Variants in MACF1 observed in about 807,000 individuals in gnomAD.
MACF1 encodes the protein microtubule-actin cross-linking factor 1.
A neutral mutation model predicts 854.8 loss-of-function variants in MACF1; 193 were observed. The ratio of observed to expected loss-of-function variants is 0.23; its 90% CI spans 0.20 to 0.25. MACF1 has a LOEUF of 0.25. Among genes scored for constraint, MACF1 ranks in the 10% least tolerant of loss-of-function variants. The probability of loss-of-function intolerance (pLI) is 1.00; values close to 1 mark genes in which losing one functional copy is unlikely to be tolerated. For synonymous variants in MACF1, 3,185 were observed against 3,226.7 expected (o/e 0.99, Z 0.44); for missense variants, 7,722 against 8,929.1 (o/e 0.86, Z 5.45).
intron 97 of MACF1, among the ~76,000 whole-genome samples, chr1:39,473,386 T>C (rs534500054): frequency 2.0e-5 from 3 of 152,364 alleles, no homozygotes; most frequent in South Asian, 2.1e-4. Flanking sequence ...ATCTTCCTTC[T>C]TGTAGTATCT....
intron 58 of MACF1, chr1:39,410,663 G>A (rs1367066785): frequency 6.2e-7 from 1 of 1,613,854 alleles, no homozygotes; most frequent in East Asian, 2.2e-5. Context: ...AGGAGATCGT[G>A]GAAGTCCTTC....
chr1:39,229,803 C>G (rs1644758428), intron 1 of MACF1, among the ~76,000 whole-genome samples: 1 of 152,108 alleles, frequency 6.6e-6, no homozygotes. Context: ...GTGGTGTAAT[C>G]ACGGCTCACT....
At chr1:39,112,448 C>A (rs1408010557) in intron 2 of MACF1, among the ~76,000 whole-genome samples, 2 of 151,956 alleles carry the variant, frequency 1.3e-5, no homozygotes, top group African/African-American at 4.8e-5. Flanking sequence ...TTTGGGAGGC[C>A]AAGGCGGGCA....
chr1:39,382,338 A>G (rs1005052984), intron 56 of MACF1, among the ~76,000 whole-genome samples, 186 bp downstream of exon 56: 1 of 152,134 alleles, frequency 6.6e-6, no homozygotes, highest in African/African-American at 2.4e-5. Context: ...AAACTCTATT[A>G]TTATTATTAA....
At chr1:39,422,668 C>A in intron 59 of MACF1, 62 bp from the exon 60 acceptor site, 1 of 1,556,166 alleles carries the variant, frequency 6.4e-7, no homozygotes, top group South Asian at 1.1e-5. Context: ...TAAAAGAGGT[C>A]AGTAGTAATT....
chr1:39,400,803 A>G (rs1422982705), intron 58 of MACF1, among the ~76,000 whole-genome samples: 1 of 152,140 alleles, frequency 6.6e-6, no homozygotes, highest in Non-Finnish European at 1.5e-5. Context: ...CCATTGTATC[A>G]AGCCTGTGAA....
intron 2 of MACF1, among the ~76,000 whole-genome samples, chr1:39,101,945 T>G (rs888869452): frequency 3.3e-5 from 5 of 149,388 alleles, no homozygotes; most frequent in African/African-American, 1.2e-4. Context: ...GGAAGGCCGA[T>G]GCGGGCGGAT....
intron 58 of MACF1, among the ~76,000 whole-genome samples, chr1:39,422,040 A>G (rs1643559134): frequency 6.6e-6 from 1 of 152,090 alleles, no homozygotes; most frequent in South Asian, 2.1e-4. Context: ...ACGCCACTGC[A>G]CTCCAGCCTG....
chr1:39,479,657 T>C, intron 97 of MACF1, 141 bp from the exon 98 acceptor site: 1 of 674,936 alleles, frequency 1.5e-6, no homozygotes, highest in Admixed American at 2.5e-5. Flanking sequence ...TGAATTTATC[T>C]CTATTTTTGA....
At chr1:39,272,935 TC>T (rs1351507832) in intron 6 of MACF1, among the ~76,000 whole-genome samples, 1 of 152,010 alleles carries the variant, frequency 6.6e-6, no homozygotes, top group East Asian at 1.9e-4. Flanking sequence ...ACAAAGGCCT[TC>T]TTCTCTGGCC....
intron 48 of MACF1, 49 bp from the exon 49 acceptor site, chr1:39,361,311 G>T (rs1648172584): frequency 1.3e-6 from 2 of 1,557,306 alleles, no homozygotes; most frequent in Non-Finnish European, 1.8e-6. Context: ...TGGCTCAGAT[G>T]TCCTGGAATA....
At chr1:39,268,326 C>G in intron 6 of MACF1, 2 of 411,272 alleles carry the variant, frequency 4.9e-6, no homozygotes, top group Non-Finnish European at 6.6e-6. Flanking sequence ...TTCCCCTCCC[C>G]TGGTTTCTAG....
At position 39,437,829 on chromosome 1, in the gene MACF1, G is replaced by A. The variant is rs1292252880; in HGVS notation, c.18041G>A (p.Arg6014His). ...GAGACACTGGAGAATCTTTCCTCTC[G>A]CCTGCGTATGCCACCACTGATCCCT... ...MLETLENLSS[R>H]LRMPPLIPAE... The change falls in exon 71 of 101, where the codon CGC becomes CAC. Residue 6014 changes from arginine to histidine, a missense_variant. By Grantham distance (29) the Arg-to-His change is conservative. Coordinates refer to ENST00000564288, the MANE Select transcript of MACF1 (RefSeq NM_001394062.1). 1.4e-5 allele frequency: 22 copies of A among 1,613,920 alleles called. No homozygotes were observed. The highest frequency in any genetic ancestry group is 5.3e-5 in the African/African-American group (4 of 74,864).
At chr1:39,261,256 T>C (rs1165212386) in intron 6 of MACF1, among the ~76,000 whole-genome samples, 1 of 152,210 alleles carries the variant, frequency 6.6e-6, no homozygotes, top group Non-Finnish European at 1.5e-5. Flanking sequence ...CTAAATGTTT[T>C]AAAACACCTT....
intron 2 of MACF1, among the ~76,000 whole-genome samples, chr1:39,244,024 G>GA (rs894539904): frequency 4.7e-5 from 7 of 150,450 alleles, no homozygotes; most frequent in Non-Finnish European, 7.4e-5. Flanking sequence ...TCCAGGCAAG[G>GA]AAAAAAAAAT....
intron 89 of MACF1, among the ~76,000 whole-genome samples, chr1:39,456,335 A>G (rs1644438416): frequency 1.3e-5 from 2 of 151,980 alleles, no homozygotes; most frequent in South Asian, 4.2e-4. Flanking sequence ...CTCCATTTCA[A>G]AAAAAAAGCA....
rs1388843610 is a variant in MACF1, at chr1:39,447,576, G to A, written c.19750G>A (p.Glu6584Lys). ...TCTAAATACTGTCCTTTCCCAGATA[G>A]AAGAGCACAAGGTAAGTATGATATT... is the stretch of plus-strand genomic sequence containing the variant. ...LILNTVLSQI[E>K]EHKVFANEVN... Residue 6584 changes from glutamate (E) to lysine (K), a missense_variant, in exon 81 of 101, where the codon GAA (glutamate) becomes AAA (lysine). This residue lies in a region of MACF1 where 729 missense variants were observed against 900.5 expected (regional missense o/e 0.81). Transcript: ENST00000564288. 6.2e-7 allele frequency: 1 copy of A among 1,614,048 alleles called. No homozygotes were observed. The highest frequency in any genetic ancestry group is 1.3e-5 in the African/African-American group (1 of 74,924).
intron 27 of MACF1, 66 bp downstream of exon 27, chr1:39,315,757 TA>T (rs924247183): frequency 4.1e-5 from 60 of 1,477,668 alleles, no homozygotes; most frequent in Non-Finnish European, 5.3e-5. Context: ...GAGAAAGGCT[TA>T]AAGTATTTCA....
intron 80 of MACF1, among the ~76,000 whole-genome samples, chr1:39,446,786 C>T (rs1389972824): frequency 6.6e-6 from 1 of 152,076 alleles, no homozygotes; most frequent in Non-Finnish European, 1.5e-5. Flanking sequence ...GAGGAGTAGC[C>T]TTTTCCCTGA....
Sources: gnomAD v4.1 joint callset for allele counts (sites outside exome capture counted in the v4.1 genomes callset) on GRCh38, gnomAD v4.1.1 for gene constraint, gnomAD v4.1.1 regional missense constraint, MANE v1.5 for transcripts, NCBI Gene and HGNC (gene_info 2026-07-23, HGNC 2026-07-21) for gene names.